GPC6: variants seen among roughly 807,000 people sequenced by gnomAD.
GPC6 encodes glypican 6.
Under a neutral mutation model 55.2 loss-of-function variants are expected in GPC6, and 14 were observed. The observed-to-expected ratio is 0.25, with a 90% CI of 0.17 to 0.40. GPC6 has a LOEUF of 0.40. Ranked by LOEUF, GPC6 falls within the 10% of genes least tolerant of loss-of-function variation. The probability of loss-of-function intolerance (pLI) is 1.00; values close to 1 mark genes in which losing one functional copy is unlikely to be tolerated. For synonymous variants in GPC6, 278 were observed against 259.6 expected (o/e 1.07, Z -0.68); for missense variants, 641 against 708.5 (o/e 0.90, Z 1.08).
intron 3 of GPC6, among the ~76,000 whole-genome samples, chr13:93,951,324 T>G (rs2140372938): frequency 6.6e-6 from 1 of 152,274 alleles, no homozygotes; most frequent in African/African-American, 2.4e-5. Flanking sequence ...TGATTTTAGG[T>G]CTGTTATTCT....
At chr13:93,789,509 C>CTCTCTCTCTA (rs1363454667) in intron 2 of GPC6, among the ~76,000 whole-genome samples, 34 of 93,458 alleles carry the variant, frequency 3.6e-4, no homozygotes, top group African/African-American at 1.2e-3. Flanking sequence ...CTCTCTCTCT[C>CTCTCTCTCTA]TATATATATA....
chr13:93,974,422 C>G (rs1437921549), intron 3 of GPC6, among the ~76,000 whole-genome samples: 1 of 152,126 alleles, frequency 6.6e-6, no homozygotes, highest in Non-Finnish European at 1.5e-5. Context: ...CTTACACCTA[C>G]TATAATGTTA....
chr13:93,699,432 A>G (rs1052231911), intron 2 of GPC6, among the ~76,000 whole-genome samples: 9 of 152,208 alleles, frequency 5.9e-5, no homozygotes, highest in Admixed American at 5.9e-4. Flanking sequence ...CTGTGAAAGA[A>G]CAGGCACGCT....
At chr13:93,987,795 T>A (rs1436055874) in intron 3 of GPC6, among the ~76,000 whole-genome samples, 2 of 152,170 alleles carry the variant, frequency 1.3e-5, no homozygotes. Flanking sequence ...ATTCTTTGCT[T>A]TATTATTACT....
At chr13:93,438,899 A>G (rs1412072886) in intron 1 of GPC6, among the ~76,000 whole-genome samples, 1 of 152,126 alleles carries the variant, frequency 6.6e-6, no homozygotes, top group Admixed American at 6.5e-5. Context: ...TTGTTGTCCT[A>G]TTTTAAGAAG....
At chr13:93,496,249 T>G (rs558297473) in intron 1 of GPC6, among the ~76,000 whole-genome samples, 1 of 152,200 alleles carries the variant, frequency 6.6e-6, no homozygotes, top group South Asian at 2.1e-4. Flanking sequence ...TAAGCTGGTC[T>G]GAAAAGCACA....
intron 3 of GPC6, among the ~76,000 whole-genome samples, chr13:93,886,551 C>T (rs1875339134): frequency 1.3e-5 from 2 of 152,042 alleles, no homozygotes; most frequent in African/African-American, 2.4e-5. Flanking sequence ...TATGTAGTCT[C>T]TGTCCTTTTA....
chr13:93,550,543 A>G (rs1045161876), intron 2 of GPC6, among the ~76,000 whole-genome samples: 1 of 152,134 alleles, frequency 6.6e-6, no homozygotes, highest in East Asian at 1.9e-4. Context: ...CAGACTACCC[A>G]TTGAACTGGA....
chr13:93,243,091 C>T (rs947437681), intron 1 of GPC6, among the ~76,000 whole-genome samples: 2 of 152,190 alleles, frequency 1.3e-5, no homozygotes, highest in Non-Finnish European at 2.9e-5. Context: ...TCGCAGCCCG[C>T]TCCAGTACTT....
intron 4 of GPC6, among the ~76,000 whole-genome samples, chr13:94,284,330 T>C (rs532078405): frequency 6.6e-6 from 1 of 152,286 alleles, no homozygotes; most frequent in South Asian, 2.1e-4. Flanking sequence ...ACCTGACCTT[T>C]TACAGTGGCC....
chr13:93,964,675 A>T (rs1324830803), intron 3 of GPC6, among the ~76,000 whole-genome samples: 2 of 152,200 alleles, frequency 1.3e-5, no homozygotes. Flanking sequence ...AGCGTATTTT[A>T]TTCCTGACCA....
chr13:93,965,197 G>A (rs1381911102), intron 3 of GPC6, among the ~76,000 whole-genome samples: 3 of 144,612 alleles, frequency 2.1e-5, no homozygotes, highest in African/African-American at 7.7e-5. Context: ...AGATCACACG[G>A]TCAGGAGATT....
intron 4 of GPC6, among the ~76,000 whole-genome samples, chr13:94,072,290 C>T (rs1388647895): frequency 6.6e-6 from 1 of 152,048 alleles, no homozygotes; most frequent in African/African-American, 2.4e-5. Context: ...CAAAACATAA[C>T]GTCTTTTGCT....
At chr13:93,848,104 C>T (rs1471957546) in intron 3 of GPC6, among the ~76,000 whole-genome samples, 3 of 152,126 alleles carry the variant, frequency 2.0e-5, no homozygotes. Context: ...GCTACACAGT[C>T]ATTTTCTCTC....
At chr13:93,403,512 T>C (rs1398904206) in intron 1 of GPC6, among the ~76,000 whole-genome samples, 1 of 152,210 alleles carries the variant, frequency 6.6e-6, no homozygotes, top group Non-Finnish European at 1.5e-5. Context: ...AGTGGACTCA[T>C]ATAGAGATGT....
intron 3 of GPC6, among the ~76,000 whole-genome samples, chr13:93,861,073 G>A (rs1161684953): frequency 2.0e-5 from 3 of 151,342 alleles, no homozygotes; most frequent in Admixed American, 6.6e-5. Flanking sequence ...TTACAGGATC[G>A]TTTTGAGGAT....
At chr13:93,658,800 T>C (rs1880798548) in intron 2 of GPC6, among the ~76,000 whole-genome samples, 1 of 151,834 alleles carries the variant, frequency 6.6e-6, no homozygotes, top group Non-Finnish European at 1.5e-5. Context: ...AGGATTTTGG[T>C]ATCTGTGTTC....
At chr13:93,626,937 AG>A (rs1879228657) in intron 2 of GPC6, among the ~76,000 whole-genome samples, 1 of 152,158 alleles carries the variant, frequency 6.6e-6, no homozygotes. Context: ...TAGAAGGCAA[AG>A]GGGGAAGCGG....
At chr13:93,728,223 T>TGTTG (rs1883711033) in intron 2 of GPC6, among the ~76,000 whole-genome samples, 1 of 151,484 alleles carries the variant, frequency 6.6e-6, no homozygotes, top group African/African-American at 2.4e-5. Flanking sequence ...TTTGTTTGTT[T>TGTTG]GTTTGTTTTT....
Sources: gnomAD v4.1 joint callset for allele counts (sites outside exome capture counted in the v4.1 genomes callset) on GRCh38, gnomAD v4.1.1 for gene constraint, MANE v1.5 for transcripts, NCBI Gene and HGNC (gene_info 2026-07-23, HGNC 2026-07-21) for gene names.